The following DPYD variants were observed in gnomAD, a reference collection of about 807,000 sequenced individuals.
DPYD encodes the protein dihydropyrimidine dehydrogenase [NADP(+)].
Under a neutral mutation model 116.2 loss-of-function variants are expected in DPYD, and 109 were observed. The ratio of observed to expected loss-of-function variants is 0.94; its 90% confidence interval spans 0.80 to 1.10. The LOEUF is 1.10. Among genes scored for constraint, DPYD ranks in the 50% least tolerant of loss-of-function variants. The probability of loss-of-function intolerance (pLI) is 0.00; values close to 1 mark genes in which losing one functional copy is unlikely to be tolerated. For synonymous variants in DPYD, 440 were observed against 432.0 expected, an observed-to-expected ratio of 1.02 and a Z score of -0.23; for missense variants, 1,302 against 1,254.5, an observed-to-expected ratio of 1.04 and a Z score of -0.57.
At chr1:97,511,149 T>G (rs184952009) in intron 13 of DPYD, among the ~76,000 whole-genome samples, 1 of 151,992 alleles carries the variant, frequency 6.6e-6, no homozygotes, top group East Asian at 1.9e-4. Flanking sequence ...CACATGACTA[T>G]AGTCAAATAG....
At chr1:97,197,341 C>T (rs1251159109) in intron 19 of DPYD, among the ~76,000 whole-genome samples, 1 of 152,054 alleles carries the variant, frequency 6.6e-6, no homozygotes, top group Non-Finnish European at 1.5e-5. Context: ...TTTGCTCACT[C>T]TGAGATTCTA....
chr1:97,793,297 T>C (rs1250940840), intron 3 of DPYD, among the ~76,000 whole-genome samples: 1 of 152,186 alleles, frequency 6.6e-6, no homozygotes, highest in Non-Finnish European at 1.5e-5. Flanking sequence ...CTCAAATTGA[T>C]ATATCAAGTC....
intron 8 of DPYD, among the ~76,000 whole-genome samples, chr1:97,631,380 A>T (rs1377493179): frequency 6.6e-6 from 1 of 152,082 alleles, no homozygotes; most frequent in Non-Finnish European, 1.5e-5. Context: ...CGTTTCAACG[A>T]GCAAGACTTA....
intron 3 of DPYD, among the ~76,000 whole-genome samples, chr1:97,782,537 G>C (rs536836139): frequency 2.0e-5 from 3 of 152,284 alleles, no homozygotes; most frequent in African/African-American, 7.2e-5. Context: ...TGGGGGCACT[G>C]CCATGTATAC....
At chr1:97,188,782 T>C (rs1323081126) in intron 20 of DPYD, among the ~76,000 whole-genome samples, 3 of 152,184 alleles carry the variant, frequency 2.0e-5, no homozygotes, top group Non-Finnish European at 4.4e-5. Flanking sequence ...CATTAGGCAC[T>C]GGCACACAGT....
intron 20 of DPYD, among the ~76,000 whole-genome samples, chr1:97,137,983 C>T (rs1653936203): frequency 6.6e-6 from 1 of 152,150 alleles, no homozygotes; most frequent in Non-Finnish European, 1.5e-5. Context: ...GATATCTCCA[C>T]TAAGTACACA....
chr1:97,452,088 A>G (rs571036908), intron 13 of DPYD, among the ~76,000 whole-genome samples: 98 of 152,236 alleles, frequency 6.4e-4, no homozygotes, highest in African/African-American at 2.3e-3. Flanking sequence ...TGCTTATTCA[A>G]CAAAACTGAT....
intron 3 of DPYD, among the ~76,000 whole-genome samples, chr1:97,791,085 T>C (rs977980188): frequency 1.7e-4 from 26 of 152,306 alleles, no homozygotes; most frequent in African/African-American, 5.8e-4. Context: ...AACACAGATT[T>C]TTCTCATAAG....
intron 14 of DPYD, among the ~76,000 whole-genome samples, chr1:97,422,947 A>C (rs1248653779): frequency 6.6e-6 from 1 of 152,128 alleles, no homozygotes; most frequent in East Asian, 1.9e-4. Flanking sequence ...GAAATTTCAC[A>C]GATGAGCTGG....
At chr1:97,324,740 A>C (rs1237091841) in intron 16 of DPYD, among the ~76,000 whole-genome samples, 1 of 152,102 alleles carries the variant, frequency 6.6e-6, no homozygotes, top group Non-Finnish European at 1.5e-5. Context: ...ATAATGAGTA[A>C]GCCCTCATAT....
intron 14 of DPYD, among the ~76,000 whole-genome samples, chr1:97,420,624 T>C (rs550871891): frequency 1.3e-4 from 20 of 152,204 alleles, no homozygotes; most frequent in Non-Finnish European, 2.8e-4. Flanking sequence ...CTTTCGTAAC[T>C]GGGCTCCTGC....
chr1:97,616,011 T>G (rs1234912416), intron 8 of DPYD, among the ~76,000 whole-genome samples: 1 of 152,156 alleles, frequency 6.6e-6, no homozygotes, highest in Non-Finnish European at 1.5e-5. Context: ...CTGAGAAGAC[T>G]GACAGACCAC....
chr1:97,738,201 T>C, intron 4 of DPYD, among the ~76,000 whole-genome samples: 1 of 152,146 alleles, frequency 6.6e-6, no homozygotes, highest in Admixed American at 6.5e-5. Context: ...AAAGTAGTGT[T>C]TTTTAAAAGA....
At chr1:97,162,662 C>T (rs1287603865) in intron 20 of DPYD, among the ~76,000 whole-genome samples, 4 of 151,946 alleles carry the variant, frequency 2.6e-5, no homozygotes, top group South Asian at 2.1e-4. Context: ...AAAAAGAGCC[C>T]GCATCACCAA....
intron 5 of DPYD, chr1:97,720,610 T>C (rs1477404294): frequency 2.6e-6 from 3 of 1,175,606 alleles, no homozygotes; most frequent in Non-Finnish European, 3.1e-6. Context: ...AAGAGCAAAG[T>C]GAGACTTAAG....
chr1:97,363,374 C>T (rs1041526765), intron 16 of DPYD, among the ~76,000 whole-genome samples: 1 of 152,180 alleles, frequency 6.6e-6, no homozygotes, highest in Non-Finnish European at 1.5e-5. Flanking sequence ...CTAGTTCAAT[C>T]ATTGTGGAAG....
chr1:97,382,245 G>A, intron 15 of DPYD, 148 bp downstream of exon 15: 1 of 472,300 alleles, frequency 2.1e-6, no homozygotes, highest in South Asian at 5.2e-5. Flanking sequence ...AAAACACAGG[G>A]TAAACAAATT....
At chr1:97,548,547 G>T (rs751795870) in intron 12 of DPYD, among the ~76,000 whole-genome samples, 5 of 152,030 alleles carry the variant, frequency 3.3e-5, no homozygotes, top group Non-Finnish European at 7.4e-5. Flanking sequence ...GACCAGCTTG[G>T]CCAACATAGT....
chr1:97,648,214 T>C (rs931352912), intron 8 of DPYD, among the ~76,000 whole-genome samples: 1 of 152,018 alleles, frequency 6.6e-6, no homozygotes, highest in African/African-American at 2.4e-5. Context: ...ATAGTGAGAC[T>C]AAATATGGAT....
Sources: gnomAD v4.1 joint callset for allele counts (sites outside exome capture counted in the v4.1 genomes callset) on GRCh38, gnomAD v4.1.1 for gene constraint, MANE v1.5 for transcripts, NCBI Gene and HGNC (gene_info 2026-07-23, HGNC 2026-07-21) for gene names.